LCLAT1: variants seen among roughly 807,000 people sequenced by gnomAD.
The protein encoded by LCLAT1 is lysocardiolipin acyltransferase 1, also known as 1-AGP acyltransferase 8.
LCLAT1 carries 11 observed loss-of-function variants against 30.7 expected under a neutral mutation model. That is an observed-to-expected ratio of 0.36 (90% CI 0.23 to 0.59). The LOEUF is 0.59. LCLAT1 is among the 20% of genes least tolerant of loss of function. The pLI, the probability that LCLAT1 is intolerant of heterozygous loss-of-function variation, is 0.77. For missense variants in LCLAT1, 402 were observed against 458.6 expected, an observed-to-expected ratio of 0.88 and a Z score of 1.13; for synonymous variants, 155 against 151.3, an observed-to-expected ratio of 1.02 and a Z score of -0.18.
chr2:30,614,477 G>A (rs1171595663), intron 5 of LCLAT1, among the ~76,000 whole-genome samples: 1 of 152,114 alleles, frequency 6.6e-6, no homozygotes, highest in Non-Finnish European at 1.5e-5. Flanking sequence ...CGGGTGTGGA[G>A]TATAAGAAAA....
chr2:30,452,738 G>T (rs1681622027), intron 1 of LCLAT1, among the ~76,000 whole-genome samples: 1 of 152,170 alleles, frequency 6.6e-6, no homozygotes, highest in African/African-American at 2.4e-5. Context: ...GGCTAATGAG[G>T]ACTGCTGTAA....
intron 5 of LCLAT1, among the ~76,000 whole-genome samples, chr2:30,612,470 C>A (rs1667785056): frequency 6.6e-6 from 1 of 152,248 alleles, no homozygotes; most frequent in South Asian, 2.1e-4. Context: ...TGCTGTTGAC[C>A]TACTGTTAAC....
chr2:30,477,179 C>T (rs1683085931), intron 1 of LCLAT1, among the ~76,000 whole-genome samples: 1 of 152,144 alleles, frequency 6.6e-6, no homozygotes, highest in African/African-American at 2.4e-5. Context: ...ACATTTACCA[C>T]CCTCTTTATT....
At chr2:30,547,626 CT>C (rs1664485564) in intron 3 of LCLAT1, among the ~76,000 whole-genome samples, 1 of 151,964 alleles carries the variant, frequency 6.6e-6, no homozygotes, top group Admixed American at 6.6e-5. Flanking sequence ...CTCTTTTCTG[CT>C]TGTGGACAGT....
intron 5 of LCLAT1, among the ~76,000 whole-genome samples, chr2:30,588,854 C>T (rs1666560027): frequency 6.6e-6 from 1 of 152,166 alleles, no homozygotes; most frequent in Non-Finnish European, 1.5e-5. Context: ...CCCATCTCGG[C>T]CTCCTAGAGT....
chr2:30,538,701 T>C (rs1176978289), intron 3 of LCLAT1, among the ~76,000 whole-genome samples: 3 of 150,488 alleles, frequency 2.0e-5, no homozygotes, highest in African/African-American at 4.9e-5. Context: ...ATATGAGATA[T>C]TACAACTGAT....
intron 1 of LCLAT1, chr2:30,476,423 A>T (rs949153047): frequency 4.4e-6 from 2 of 456,568 alleles, no homozygotes; most frequent in Admixed American, 2.3e-5. Flanking sequence ...CACTTGAATT[A>T]TCTCCTGATT....
chr2:30,450,823 A>G (rs542730541), intron 1 of LCLAT1, among the ~76,000 whole-genome samples: 2 of 152,352 alleles, frequency 1.3e-5, no homozygotes, highest in South Asian at 4.1e-4. Flanking sequence ...AAGGACTCAG[A>G]AAGCAATGAT....
intron 3 of LCLAT1, among the ~76,000 whole-genome samples, chr2:30,560,413 A>G (rs561310902): frequency 6.6e-6 from 1 of 151,822 alleles, no homozygotes; most frequent in African/African-American, 2.4e-5. Flanking sequence ...ATCTCAGCTC[A>G]CTGCACCCTC....
intron 5 of LCLAT1, among the ~76,000 whole-genome samples, chr2:30,630,214 G>A (rs1270423179): frequency 6.6e-6 from 1 of 152,094 alleles, no homozygotes; most frequent in Non-Finnish European, 1.5e-5. Context: ...GAGGACTCCA[G>A]TCATACTGGA....
At chr2:30,510,958 T>A (rs535959579) in intron 1 of LCLAT1, among the ~76,000 whole-genome samples, 1 of 152,214 alleles carries the variant, frequency 6.6e-6, no homozygotes, top group Admixed American at 6.5e-5. Flanking sequence ...ATTTATTGTC[T>A]TTTTGAAAAT....
At chr2:30,547,495 G>A (rs1664481055) in intron 3 of LCLAT1, among the ~76,000 whole-genome samples, 1 of 152,128 alleles carries the variant, frequency 6.6e-6, no homozygotes, top group Admixed American at 6.6e-5. Flanking sequence ...TCAGCCTCCT[G>A]TCAGCAGGGA....
chr2:30,616,719 A>G (rs983570089), intron 5 of LCLAT1, among the ~76,000 whole-genome samples: 2 of 152,166 alleles, frequency 1.3e-5, no homozygotes, highest in African/African-American at 4.8e-5. Context: ...AGGGAATTAT[A>G]TCTTGCATTA....
At chr2:30,535,942 A>T (rs1410698197) in intron 3 of LCLAT1, among the ~76,000 whole-genome samples, 6 of 152,172 alleles carry the variant, frequency 3.9e-5, no homozygotes, top group African/African-American at 1.4e-4. Context: ...GATCTCAATG[A>T]GAAATTCAGG....
At chr2:30,510,790 A>G (rs1157880923) in intron 1 of LCLAT1, among the ~76,000 whole-genome samples, 1 of 150,170 alleles carries the variant, frequency 6.7e-6, no homozygotes, top group African/African-American at 2.5e-5. Flanking sequence ...TTTTTGGGAG[A>G]TTTTTTCTCA....
intron 1 of LCLAT1, among the ~76,000 whole-genome samples, chr2:30,481,367 A>G (rs185820262): frequency 2.0e-5 from 3 of 152,226 alleles, no homozygotes; most frequent in Admixed American, 6.5e-5. Flanking sequence ...TATCAGCATA[A>G]AGATAGCACA....
At chr2:30,577,098 ATTATAT>A (rs1308938764) in intron 5 of LCLAT1, among the ~76,000 whole-genome samples, 1 of 148,872 alleles carries the variant, frequency 6.7e-6, no homozygotes, top group Non-Finnish European at 1.5e-5. Flanking sequence ...GTTATATAAA[ATTATAT>A]TAATATATCA....
chr2:30,568,624 C>T (rs1161175408), intron 5 of LCLAT1, among the ~76,000 whole-genome samples: 3 of 149,710 alleles, frequency 2.0e-5, no homozygotes, highest in Non-Finnish European at 1.5e-5. Flanking sequence ...TCCCCTGCCT[C>T]AGCCTCCCAA....
At chr2:30,484,481 G>A (rs959870999) in intron 1 of LCLAT1, among the ~76,000 whole-genome samples, 1 of 151,992 alleles carries the variant, frequency 6.6e-6, no homozygotes, top group Non-Finnish European at 1.5e-5. Context: ...AATTTTGGGG[G>A]TTTTCTCAGT....
Sources: gnomAD v4.1 joint callset for allele counts (sites outside exome capture counted in the v4.1 genomes callset) on GRCh38, gnomAD v4.1.1 for gene constraint, MANE v1.5 for transcripts, NCBI Gene and HGNC (gene_info 2026-07-23, HGNC 2026-07-21) for gene names.